The following GLIS3 variants were observed in gnomAD, a reference collection of about 807,000 sequenced individuals.
GLIS3 encodes the protein GLIS family zinc finger 3, also known as zinc finger protein GLIS3.
GLIS3 carries 53 observed loss-of-function variants against 78.6 expected under a neutral mutation model. The observed-to-expected ratio is 0.67, with a 90% CI of 0.54 to 0.85. The LOEUF (loss-of-function observed/expected upper bound fraction) is 0.85, where lower values mean the gene tolerates loss of function less well. GLIS3 is among the 40% of genes least tolerant of loss of function. GLIS3 has a pLI of 0.00. For synonymous variants in GLIS3, 684 were observed against 509.9 expected, an observed-to-expected ratio of 1.34 and a Z score of -4.60; for missense variants, 1,703 against 1,231.1, an observed-to-expected ratio of 1.38 and a Z score of -5.74.
intron 4 of GLIS3, among the ~76,000 whole-genome samples, chr9:4,053,782 C>A (rs904761490): frequency 6.7e-6 from 1 of 149,460 alleles, no homozygotes; most frequent in African/African-American, 2.4e-5. Flanking sequence ...GCCCCAGAGG[C>A]CACCCAATTA....
At chr9:4,365,894 C>T in the GLIS3 span, among the ~76,000 whole-genome samples, 3 of 152,190 alleles carry the variant, frequency 2.0e-5, no homozygotes, top group Non-Finnish European at 4.4e-5. Flanking sequence ...CAAGGAGCTA[C>T]GAGAATGTGA....
chr9:4,144,338 A>G (rs749201794), intron 2 of GLIS3, among the ~76,000 whole-genome samples: 2 of 152,218 alleles, frequency 1.3e-5, no homozygotes, highest in Non-Finnish European at 2.9e-5. Context: ...ATACAAAGTG[A>G]TATTTTTTGA....
chr9:4,409,068 G>T, the GLIS3 span, among the ~76,000 whole-genome samples: 5 of 152,088 alleles, frequency 3.3e-5, no homozygotes, highest in African/African-American at 1.2e-4. Flanking sequence ...AAAACAAGGT[G>T]TAACTTATCA....
At chr9:4,049,007 G>A (rs1396653999) in intron 4 of GLIS3, among the ~76,000 whole-genome samples, 1 of 152,172 alleles carries the variant, frequency 6.6e-6, no homozygotes, top group African/African-American at 2.4e-5. Context: ...AATCTGGACT[G>A]AACACCATGG....
Position 3,828,338 on chromosome 9 carries a change from G to C in GLIS3, c.2727C>G (p.Thr909=). Reference sequence around the variant, plus strand: ...GGTCCACGGTGCTGATCTGCAAGAAGGTAGCATCTTCAGCCCCGCTGCGGA... The same window carrying C: ...GGTCCACGGTGCTGATCTGCAAGAACGTAGCATCTTCAGCCCCGCTGCGGA... The part of the protein sequence containing the change: ...ESLRSGAEDA[T]FLQISTVDRC... The change falls in exon 11 of 11, where the codon ACC becomes ACG. Residue 909 remains threonine (T), a synonymous_variant. Transcript: ENST00000381971. 1.2e-6 allele frequency: 2 copies of C among 1,614,072 alleles called. No individual in the cohort carries two copies. The highest frequency in any genetic ancestry group is 1.7e-6 in the Non-Finnish European group (2 of 1,180,002).
At chr9:4,223,037 G>C (rs988636265) in intron 2 of GLIS3, among the ~76,000 whole-genome samples, 1 of 152,132 alleles carries the variant, frequency 6.6e-6, no homozygotes, top group Admixed American at 6.5e-5. Flanking sequence ...TTCCAAGAAA[G>C]AGAAAGATCA....
intron 2 of GLIS3, among the ~76,000 whole-genome samples, chr9:4,339,097 C>T (rs1817797585): frequency 6.6e-6 from 1 of 152,132 alleles, no homozygotes; most frequent in East Asian, 1.9e-4. Context: ...ACAACACTAC[C>T]TCGATATGTT....
intron 2 of GLIS3, among the ~76,000 whole-genome samples, chr9:4,185,180 G>A (rs1024456698): frequency 6.6e-6 from 1 of 152,074 alleles, no homozygotes; most frequent in African/African-American, 2.4e-5. Flanking sequence ...TTAACACTTT[G>A]TACCAACGCA....
intron 4 of GLIS3, among the ~76,000 whole-genome samples, chr9:3,950,332 T>C (rs1765763654): frequency 6.6e-6 from 1 of 152,200 alleles, no homozygotes; most frequent in African/African-American, 2.4e-5. Context: ...AATCTAATAA[T>C]GTTCCTCTTC....
At position 3,839,155 on chromosome 9, in the gene GLIS3, A is replaced by T. The variant is rs1297947097; in HGVS notation, c.2474-9663T>A. ...CTTCAAACAAATGTTCCCATTTTAG[A>T]CAATGAGATGGAAGCAGAGGAAATG... On this transcript the variant is annotated intron_variant, in intron 9 of 10. Coordinates refer to ENST00000381971, the MANE Select transcript of GLIS3 (RefSeq NM_001042413.2). 2.0e-5 allele frequency among the ~76,000 whole-genome samples: 3 copies of T among 152,230 alleles called. No homozygotes were observed. In the East Asian group the frequency reaches 5.8e-4, roughly 29 times the overall value.
intron 2 of GLIS3, among the ~76,000 whole-genome samples, chr9:4,342,332 A>G (rs1290872867): frequency 6.6e-6 from 1 of 152,134 alleles, no homozygotes; most frequent in African/African-American, 2.4e-5. Context: ...TCCCAGCACC[A>G]TTTATGGCCT....
intron 4 of GLIS3, among the ~76,000 whole-genome samples, chr9:4,060,424 T>C (rs1364249059): frequency 6.6e-6 from 1 of 152,172 alleles, no homozygotes; most frequent in Non-Finnish European, 1.5e-5. Flanking sequence ...TAGGTGGTGT[T>C]ATGATTTAAT....
chr9:4,323,274 A>AT (rs1402960481), intron 2 of GLIS3, among the ~76,000 whole-genome samples: 3 of 152,132 alleles, frequency 2.0e-5, no homozygotes, highest in Admixed American at 2.0e-4. Context: ...ACCTCAGGTG[A>AT]TTTGCCTGCC....
chr9:3,930,062 C>T (rs896787513), intron 6 of GLIS3, among the ~76,000 whole-genome samples: 7 of 152,168 alleles, frequency 4.6e-5, no homozygotes, highest in Admixed American at 2.0e-4. Flanking sequence ...ACTGCTTCTC[C>T]GGGAATGACA....
chr9:3,942,272 C>A (rs974707308), intron 4 of GLIS3, among the ~76,000 whole-genome samples: 1 of 152,108 alleles, frequency 6.6e-6, no homozygotes, highest in Non-Finnish European at 1.5e-5. Flanking sequence ...GTGTTTGTGA[C>A]CCTGGGAGGT....
chr9:4,349,040 A>C (rs1187741084), upstream of GLIS3, among the ~76,000 whole-genome samples: 1 of 152,228 alleles, frequency 6.6e-6, no homozygotes, highest in Non-Finnish European at 1.5e-5. Flanking sequence ...CATGAAACTC[A>C]ATAATAATAA....
the GLIS3 span, among the ~76,000 whole-genome samples, chr9:4,473,586 A>C: frequency 2.0e-5 from 3 of 152,182 alleles, no homozygotes; most frequent in Non-Finnish European, 4.4e-5. Flanking sequence ...TGGGAGCTAA[A>C]TGATGAGAAC....
intron 1 of GLIS3, among the ~76,000 whole-genome samples, chr9:4,295,813 A>G (rs1328995817): frequency 6.6e-6 from 1 of 152,242 alleles, no homozygotes; most frequent in East Asian, 1.9e-4. Flanking sequence ...CTCTGCCTAA[A>G]GTAAGTGGGA....
intron 2 of GLIS3, among the ~76,000 whole-genome samples, chr9:4,156,586 T>G (rs1396467433): frequency 1.3e-5 from 2 of 152,136 alleles, no homozygotes; most frequent in Non-Finnish European, 2.9e-5. Flanking sequence ...AGGTCTAAAT[T>G]TTATATTTCC....
Sources: gnomAD v4.1 joint callset for allele counts (sites outside exome capture counted in the v4.1 genomes callset) on GRCh38, gnomAD v4.1.1 for gene constraint, MANE v1.5 for transcripts, NCBI Gene and HGNC (gene_info 2026-07-23, HGNC 2026-07-21) for gene names.